The following KLHL29 variants were observed in gnomAD, a reference collection of about 807,000 sequenced individuals.
KLHL29 encodes the protein kelch like family member 29, also known as kelch-like protein 29.
KLHL29 carries 21 observed loss-of-function variants against 80.4 expected under a neutral mutation model. That is an observed-to-expected ratio of 0.26 (90% CI 0.19 to 0.38). The LOEUF is 0.38. Ranked by LOEUF, KLHL29 falls within the 10% of genes least tolerant of loss-of-function variation. KLHL29 has a pLI of 1.00. For synonymous variants in KLHL29, 511 were observed against 526.8 expected (o/e 0.97, Z 0.41); for missense variants, 867 against 1,223.9 (o/e 0.71, Z 4.35).
chr2:23,618,946 CTG>C (rs1669095332), intron 3 of KLHL29, among the ~76,000 whole-genome samples: 1 of 152,236 alleles, frequency 6.6e-6, no homozygotes, highest in Non-Finnish European at 1.5e-5. Flanking sequence ...AGGCCGTGAA[CTG>C]TGTGAATAGA....
At chr2:23,505,158 C>A (rs1374217958) in intron 2 of KLHL29, among the ~76,000 whole-genome samples, 1 of 152,236 alleles carries the variant, frequency 6.6e-6, no homozygotes, top group Non-Finnish European at 1.5e-5. Flanking sequence ...TGTCGTTCAC[C>A]ATGGTCCCTC....
At chr2:23,638,502 C>T (rs551854436) in intron 3 of KLHL29, among the ~76,000 whole-genome samples, 1 of 152,106 alleles carries the variant, frequency 6.6e-6, no homozygotes, top group Non-Finnish European at 1.5e-5. Flanking sequence ...GCTGAGGGTC[C>T]CACCATCCAC....
At chr2:23,548,574 C>T (rs988217322) in intron 2 of KLHL29, among the ~76,000 whole-genome samples, 25 of 152,204 alleles carry the variant, frequency 1.6e-4, no homozygotes, top group African/African-American at 5.8e-4. Context: ...AGCCAGTGTG[C>T]GATGCGCCAA....
chr2:23,585,849 A>G (rs1572418331), intron 3 of KLHL29, among the ~76,000 whole-genome samples: 2 of 152,342 alleles, frequency 1.3e-5, no homozygotes, highest in African/African-American at 4.8e-5. Context: ...TCTGCTCCAG[A>G]GAAGGAGAAG....
At chr2:23,639,375 T>G in intron 4 of KLHL29, 95 bp downstream of exon 4, 2 of 1,287,178 alleles carry the variant, frequency 1.6e-6, no homozygotes, top group South Asian at 3.0e-5. Flanking sequence ...ACAGCAGGTC[T>G]TGAACCCAGG....
At chr2:23,566,500 T>C (rs1388531955) in intron 3 of KLHL29, among the ~76,000 whole-genome samples, 1 of 152,230 alleles carries the variant, frequency 6.6e-6, no homozygotes. Context: ...ATGGTAACTT[T>C]TCCATCTGCT....
intron 6 of KLHL29, chr2:23,689,219 C>T (rs1310092477): frequency 6.6e-6 from 1 of 152,306 alleles, no homozygotes; most frequent in Non-Finnish European, 1.5e-5. Flanking sequence ...CCCTCCACCC[C>T]ACAGGTGACC....
chr2:23,537,147 G>T (rs1354263613), intron 2 of KLHL29, among the ~76,000 whole-genome samples: 1 of 152,114 alleles, frequency 6.6e-6, no homozygotes, highest in East Asian at 1.9e-4. Context: ...CATTTGTCCT[G>T]AGTTCCCTTT....
intron 2 of KLHL29, among the ~76,000 whole-genome samples, chr2:23,557,914 A>G (rs1220654980): frequency 4.6e-5 from 7 of 152,114 alleles, no homozygotes; most frequent in Non-Finnish European, 1.5e-5. Flanking sequence ...GCCTTATCAC[A>G]ACAAAGATTC....
chr2:23,701,164 G>A (rs1272626007), intron 11 of KLHL29, among the ~76,000 whole-genome samples: 1 of 152,144 alleles, frequency 6.6e-6, no homozygotes, highest in South Asian at 2.1e-4. Flanking sequence ...CCAGTCCCAA[G>A]CCAGACCCTG....
chr2:23,638,178 A>T (rs1053727117), intron 3 of KLHL29, among the ~76,000 whole-genome samples: 1 of 151,502 alleles, frequency 6.6e-6, no homozygotes, highest in African/African-American at 2.4e-5. Flanking sequence ...CCCTGTTAAC[A>T]TTTTGGTCAT....
In KLHL29 at chr2:23,562,857, G is replaced by A. The variant is rs1302161781; in HGVS notation, c.285+376G>A. ...CATCCCTGGGGGTGCCAGTAACTTG[G>A]GTGTGCAAGAAGATACTGACAAGCA... On this transcript the variant is annotated intron_variant, in intron 3 of 13. Coordinates refer to ENST00000486442, the MANE Select transcript of KLHL29 (RefSeq NM_052920.2). The surrounding 1 kb of genome is among the most constrained non-coding windows in gnomAD (Gnocchi z 4.5). Among the ~76,000 whole-genome samples the A allele has an allele frequency of 6.6e-6, 1 of 152,100 alleles. No homozygotes were observed. The highest frequency in any genetic ancestry group is 2.4e-5 in the African/African-American group (1 of 41,418).
rs111611960 is a variant in KLHL29 at position 23,536,890 on chromosome 2, T to TCACACA, written c.-45-25238_-45-25233dup. On this transcript the variant is annotated intron_variant, in intron 2 of 13. Transcript: ENST00000486442. Reference sequence around the variant, plus strand: ...CTAACGAAATAGCGAAAGACAGATCTCACACACACACACACACACACACAC... The same window carrying TCACACA: ...CTAACGAAATAGCGAAAGACAGATCTCACACACACACACACACACACACACACACAC... Among the ~76,000 whole-genome samples the TCACACA allele has an allele frequency of 4.2e-4, 60 of 143,196 alleles. 1 individual carries two copies. Among genetic ancestry groups the TCACACA allele is most frequent in the South Asian group, 2.8e-3 (12 of 4,310 alleles). The allele number at this position is 143,196 out of a possible 152,430, so 93.9% of individuals were successfully genotyped here.
rs909739756 is a variant in KLHL29 at position 23,575,985 on chromosome 2, G to A, written c.285+13504G>A. 8.5e-5 allele frequency among the ~76,000 whole-genome samples: 13 copies of A among 152,322 alleles called. No individual in the cohort carries two copies. The East Asian group carries it at 1.2e-3, about 14-fold the overall frequency. On this transcript the variant is annotated intron_variant, in intron 3 of 13. Coordinates refer to ENST00000486442, the MANE Select transcript of KLHL29 (RefSeq NM_052920.2). ...GAAAGTGAGGCCTCAGCTATACTGC[G>A]TCACCATCGCCTCTTCCATTAGAAA...
chr2:23,413,143 T>C (rs1359533680), intron 1 of KLHL29, among the ~76,000 whole-genome samples: 3 of 152,126 alleles, frequency 2.0e-5, no homozygotes, highest in Admixed American at 1.3e-4. Context: ...CTGGGCCCGG[T>C]GAACTCGCAG....
intron 8 of KLHL29, among the ~76,000 whole-genome samples, chr2:23,694,763 G>T (rs900074260): frequency 2.0e-5 from 3 of 152,140 alleles, no homozygotes; most frequent in Admixed American, 6.5e-5. Flanking sequence ...CCTTGTGCCT[G>T]GCAGAAGTCT....
chr2:23,444,040 C>G (rs1663606708), intron 1 of KLHL29, among the ~76,000 whole-genome samples: 2 of 152,164 alleles, frequency 1.3e-5, no homozygotes, highest in African/African-American at 4.8e-5. Flanking sequence ...CCTCATGTCT[C>G]TCTTTGAGTT....
chr2:23,706,084 C>G (rs1370341960), intron 13 of KLHL29, among the ~76,000 whole-genome samples: 1 of 152,228 alleles, frequency 6.6e-6, no homozygotes, highest in African/African-American at 2.4e-5. Context: ...TTATTATTCT[C>G]TCTCGTCATT....
At chr2:23,658,207 T>A (rs2149167843) in intron 5 of KLHL29, among the ~76,000 whole-genome samples, 1 of 151,926 alleles carries the variant, frequency 6.6e-6, no homozygotes, top group Non-Finnish European at 1.5e-5. Context: ...CAAGGCCAGC[T>A]CCAGGGTGGG....
Sources: allele counts gnomAD v4.1 joint callset (sites outside exome capture counted in the v4.1 genomes callset), GRCh38; gene constraint gnomAD v4.1.1; non-coding constraint Gnocchi (gnomAD v3.1); transcripts MANE v1.5; gene names NCBI Gene and HGNC (gene_info 2026-07-23, HGNC 2026-07-21).